The following ZNF385D variants were observed in gnomAD, a reference collection of about 807,000 sequenced individuals.
ZNF385D encodes zinc finger protein 659.
ZNF385D carries 15 observed loss-of-function variants against 35.8 expected under a neutral mutation model. The observed-to-expected ratio is 0.42, with a 90% CI of 0.28 to 0.64. The LOEUF is 0.64. Among genes scored for constraint, ZNF385D ranks in the 30% least tolerant of loss-of-function variants. The probability of loss-of-function intolerance (pLI) is 0.23; values close to 1 mark genes in which losing one functional copy is unlikely to be tolerated. For missense variants in ZNF385D, 474 were observed against 494.6 expected, an observed-to-expected ratio of 0.96 and a Z score of 0.39; for synonymous variants, 212 against 186.8, an observed-to-expected ratio of 1.13 and a Z score of -1.10.
chr3:21,997,646 C>G lies in ZNF385D; in HGVS notation c.325+171171G>C, dbSNP rs185682562. 1.3e-3 allele frequency among the ~76,000 whole-genome samples: 196 copies of G among 151,468 alleles called. 3 individuals are homozygous for G. The East Asian group carries it at 0.026, about 20-fold the overall frequency. ...GTAAGTGTTTCATGTGTTTGCATAT[C>G]ATAGTTTATTTCTCTTTCACATTTC... On this transcript the variant is annotated intron_variant, in intron 3 of 5. Transcript: ENST00000494108.
intron 3 of ZNF385D, among the ~76,000 whole-genome samples, chr3:21,928,390 G>A (rs1575938166): frequency 6.6e-6 from 1 of 151,524 alleles, no homozygotes; most frequent in East Asian, 1.9e-4. Context: ...AAGGAAGAAA[G>A]ATGAAAAGAA....
chr3:22,060,163 C>G (rs1304055790), intron 3 of ZNF385D, among the ~76,000 whole-genome samples: 1 of 152,150 alleles, frequency 6.6e-6, no homozygotes, highest in African/African-American at 2.4e-5. Context: ...TAAATTTGGA[C>G]TAAATTACAA....
chr3:22,231,110 C>G (rs1343872728), intron 2 of ZNF385D, among the ~76,000 whole-genome samples: 1 of 152,004 alleles, frequency 6.6e-6, no homozygotes, highest in African/African-American at 2.4e-5. Context: ...TTAATGTTTT[C>G]AACAATAGGA....
At chr3:21,751,495 A>G, upstream of ZNF385D, 1 of 970,886 alleles carries the variant, frequency 1.0e-6, no homozygotes, top group Non-Finnish European at 1.2e-6. Flanking sequence ...CAACACTTTT[A>G]CCCCGCCCCT....
intron 3 of ZNF385D, among the ~76,000 whole-genome samples, chr3:22,027,250 T>A (rs1371338166): frequency 6.6e-6 from 1 of 152,198 alleles, no homozygotes; most frequent in African/African-American, 2.4e-5. Flanking sequence ...AACACATTCC[T>A]CATTTGGGTG....
At chr3:21,895,283 G>A (rs1345741954) in intron 3 of ZNF385D, among the ~76,000 whole-genome samples, 2 of 141,070 alleles carry the variant, frequency 1.4e-5, no homozygotes, top group Admixed American at 7.2e-5. Context: ...GCTGGAAGAT[G>A]CCTTTTTGCT....
chr3:21,883,422 TG>T (rs1698380725), intron 3 of ZNF385D, among the ~76,000 whole-genome samples: 1 of 152,024 alleles, frequency 6.6e-6, no homozygotes, highest in South Asian at 2.1e-4. Flanking sequence ...TTACATATTC[TG>T]GGCCTTCATT....
intron 3 of ZNF385D, among the ~76,000 whole-genome samples, chr3:21,949,429 G>A (rs1406463261): frequency 6.6e-6 from 1 of 151,926 alleles, no homozygotes; most frequent in Non-Finnish European, 1.5e-5. Context: ...GCCTCTCAGT[G>A]GAGTGTAGGT....
intron 1 of ZNF385D, among the ~76,000 whole-genome samples, chr3:21,705,171 T>C (rs2067851263): frequency 6.6e-6 from 1 of 152,222 alleles, no homozygotes; most frequent in African/African-American, 2.4e-5. Context: ...TATAAAATAT[T>C]GTATGAACCA....
chr3:22,201,435 C>T (rs1696791651), intron 2 of ZNF385D, among the ~76,000 whole-genome samples: 1 of 151,994 alleles, frequency 6.6e-6, no homozygotes, highest in African/African-American at 2.4e-5. Context: ...TTTACATATA[C>T]ATGTAGAAGA....
At chr3:21,615,429 T>A (rs2064817084) in intron 2 of ZNF385D, among the ~76,000 whole-genome samples, 1 of 152,172 alleles carries the variant, frequency 6.6e-6, no homozygotes, top group East Asian at 1.9e-4. Flanking sequence ...TATTTGTTAA[T>A]AAATAGTAAC....
chr3:22,284,042 C>T (rs1207536701), intron 2 of ZNF385D, among the ~76,000 whole-genome samples: 2 of 151,916 alleles, frequency 1.3e-5, no homozygotes, highest in Non-Finnish European at 2.9e-5. Context: ...GACATAATTA[C>T]GAGACAACAA....
intron 2 of ZNF385D, among the ~76,000 whole-genome samples, chr3:22,193,543 T>C (rs994306830): frequency 2.0e-4 from 30 of 152,204 alleles, no homozygotes; most frequent in African/African-American, 7.2e-4. Flanking sequence ...TCCTGTAGAA[T>C]CTTTACTGTT....
At chr3:22,257,761 G>A (rs368063688) in intron 2 of ZNF385D, among the ~76,000 whole-genome samples, 1 of 151,598 alleles carries the variant, frequency 6.6e-6, no homozygotes, top group Non-Finnish European at 1.5e-5. Context: ...AAATAAGTAG[G>A]GTAAAACTGT....
intron 1 of ZNF385D, among the ~76,000 whole-genome samples, chr3:21,680,577 C>T (rs1479438073): frequency 1.3e-5 from 2 of 152,040 alleles, no homozygotes; most frequent in Non-Finnish European, 2.9e-5. Context: ...CTAATAATAT[C>T]GGATATGATG....
intron 3 of ZNF385D, among the ~76,000 whole-genome samples, chr3:22,011,438 G>T (rs923294355): frequency 2.6e-5 from 4 of 152,046 alleles, no homozygotes; most frequent in Non-Finnish European, 5.9e-5. Flanking sequence ...TCTTCACACT[G>T]ATGAGTTTGG....
intron 3 of ZNF385D, among the ~76,000 whole-genome samples, chr3:21,877,483 TTTAAAG>T (rs140322538): frequency 1.8e-4 from 27 of 152,216 alleles, no homozygotes; most frequent in African/African-American, 6.3e-4. Flanking sequence ...TTGGTAGTTA[TTTAAAG>T]TTAATTAATT....
At chr3:22,317,103 C>T (rs964034279) in intron 2 of ZNF385D, among the ~76,000 whole-genome samples, 7 of 151,630 alleles carry the variant, frequency 4.6e-5, no homozygotes, top group Non-Finnish European at 8.8e-5. Flanking sequence ...CATGGAGAAA[C>T]CCCTTCTCTA....
intron 3 of ZNF385D, among the ~76,000 whole-genome samples, chr3:21,833,864 C>T (rs1353452196): frequency 2.6e-5 from 4 of 152,014 alleles, no homozygotes; most frequent in Admixed American, 6.6e-5. Context: ...ATTTGCTAAG[C>T]CCAGACTAAG....
Sources: allele counts gnomAD v4.1 joint callset (sites outside exome capture counted in the v4.1 genomes callset), GRCh38; gene constraint gnomAD v4.1.1; transcripts MANE v1.5; gene names NCBI Gene and HGNC (gene_info 2026-07-23, HGNC 2026-07-21).